CLASP1: variants seen among roughly 807,000 people sequenced by gnomAD.
CLASP1 encodes the protein cytoplasmic linker associated protein 1.
Under a neutral mutation model 192.3 loss-of-function variants are expected in CLASP1, and 38 were observed. That is an observed-to-expected ratio of 0.20 (90% confidence interval 0.15 to 0.26). The LOEUF (loss-of-function observed/expected upper bound fraction) is 0.26. Ranked by LOEUF, CLASP1 falls within the 10% of genes least tolerant of loss-of-function variation. The pLI is 1.00. For synonymous variants in CLASP1, 691 were observed against 712.8 expected, an observed-to-expected ratio of 0.97 and a Z score of 0.49; for missense variants, 1,433 against 1,932.5, an observed-to-expected ratio of 0.74 and a Z score of 4.85.
At chr2:121,488,038 T>C (rs1479238123) in intron 8 of CLASP1, among the ~76,000 whole-genome samples, 1 of 152,154 alleles carries the variant, frequency 6.6e-6, no homozygotes, top group Non-Finnish European at 1.5e-5. Flanking sequence ...TTTCAACCAC[T>C]TCCTTACTTT....
intron 6 of CLASP1, among the ~76,000 whole-genome samples, chr2:121,517,858 C>CT (rs70954553): frequency 0.011 from 330 of 30,800 alleles, 28 homozygotes; most frequent in East Asian, 0.021. Flanking sequence ...AAGACTCAAG[C>CT]TTTTTTTTTT....
intron 2 of CLASP1, among the ~76,000 whole-genome samples, chr2:121,544,907 CTTT>C (rs3078562): frequency 2.8e-4 from 34 of 122,888 alleles, no homozygotes; most frequent in African/African-American, 5.4e-4. Context: ...CTTTTCTTTT[CTTT>C]TTTTTTTTTT....
chr2:121,555,330 C>A (rs149031319), intron 2 of CLASP1, among the ~76,000 whole-genome samples: 1 of 152,190 alleles, frequency 6.6e-6, no homozygotes, highest in Non-Finnish European at 1.5e-5. Context: ...CAGCCTGAGA[C>A]AGAAGTTGTG....
chr2:121,467,959 T>C (rs2089974048), intron 9 of CLASP1, among the ~76,000 whole-genome samples: 1 of 152,214 alleles, frequency 6.6e-6, no homozygotes, highest in Non-Finnish European at 1.5e-5. Context: ...TTGAGTTGAT[T>C]TTTGTATAGC....
intron 6 of CLASP1, among the ~76,000 whole-genome samples, chr2:121,522,461 GCA>G (rs1289240775): frequency 6.6e-6 from 1 of 152,212 alleles, no homozygotes; most frequent in Non-Finnish European, 1.5e-5. Flanking sequence ...AAGACACTAG[GCA>G]GGAAGTGCTA....
intron 19 of CLASP1, among the ~76,000 whole-genome samples, chr2:121,436,869 T>G (rs947692299): frequency 6.6e-6 from 1 of 152,270 alleles, no homozygotes; most frequent in Admixed American, 6.5e-5. Flanking sequence ...TTTCTAACTC[T>G]GTACTACAGT....
At chr2:121,515,174 T>C (rs530265070) in intron 7 of CLASP1, among the ~76,000 whole-genome samples, 1 of 152,340 alleles carries the variant, frequency 6.6e-6, no homozygotes, top group African/African-American at 2.4e-5. Context: ...GAGACGCTGA[T>C]CCCCTTGCAT....
chr2:121,641,919 G>A (rs1386451963), intron 1 of CLASP1, among the ~76,000 whole-genome samples: 2 of 152,100 alleles, frequency 1.3e-5, no homozygotes, highest in Non-Finnish European at 2.9e-5. Flanking sequence ...CAGCTACTCA[G>A]GAGGCTGAGG....
At chr2:121,387,208 A>G in exon 32 of CLASP1, 1 of 1,604,734 alleles carries the variant, frequency 6.2e-7, no homozygotes, top group Non-Finnish European at 8.5e-7. Flanking sequence ...GCGTCCGGCC[A>G]ATCGTATTGC....
intron 25 of CLASP1, among the ~76,000 whole-genome samples, chr2:121,407,244 G>A (rs554838160): frequency 6.1e-4 from 92 of 151,980 alleles, no homozygotes; most frequent in African/African-American, 2.2e-3. Context: ...AGAAAAAAAG[G>A]ATATTTGCCA....
At chr2:121,533,529 A>G (rs1174865195) in intron 2 of CLASP1, among the ~76,000 whole-genome samples, 1 of 151,552 alleles carries the variant, frequency 6.6e-6, no homozygotes, top group Non-Finnish European at 1.5e-5. Flanking sequence ...TTTTCCCCCT[A>G]TTTCTGCTTT....
At chr2:121,412,593 T>C (rs1206012327) in intron 23 of CLASP1, among the ~76,000 whole-genome samples, 5 of 151,080 alleles carry the variant, frequency 3.3e-5, no homozygotes, top group Non-Finnish European at 7.4e-5. Flanking sequence ...CGAAGTCTAA[T>C]AAAATTTAAA....
At chr2:121,613,124 C>T (rs1045415707) in intron 1 of CLASP1, among the ~76,000 whole-genome samples, 1 of 152,192 alleles carries the variant, frequency 6.6e-6, no homozygotes, top group Non-Finnish European at 1.5e-5. Context: ...ACTGAACACA[C>T]TAAATGTCAC....
intron 22 of CLASP1, among the ~76,000 whole-genome samples, chr2:121,423,277 T>C (rs2079823242): frequency 6.6e-6 from 1 of 152,148 alleles, no homozygotes; most frequent in Non-Finnish European, 1.5e-5. Context: ...CAAATAATAT[T>C]TCAAATAACT....
At chr2:121,441,908 T>C (rs1208845029) in intron 19 of CLASP1, among the ~76,000 whole-genome samples, 4 of 152,172 alleles carry the variant, frequency 2.6e-5, no homozygotes, top group Non-Finnish European at 4.4e-5. Context: ...CCCAGTAAAA[T>C]TGTACTAAAA....
chr2:121,358,147 C>A (rs975043507), intron 37 of CLASP1, among the ~76,000 whole-genome samples: 6 of 152,278 alleles, frequency 3.9e-5, no homozygotes, highest in Non-Finnish European at 8.8e-5. Context: ...TGAAGCTAAA[C>A]AGGTTTTGGG....
At chr2:121,611,409 G>A (rs1345725509) in intron 1 of CLASP1, among the ~76,000 whole-genome samples, 1 of 140,062 alleles carries the variant, frequency 7.1e-6, no homozygotes, top group Non-Finnish European at 1.5e-5. Context: ...AGGAGGAGGA[G>A]GAGTTACAGG....
At chr2:121,472,919 G>C (rs530320722) in intron 8 of CLASP1, among the ~76,000 whole-genome samples, 2 of 152,290 alleles carry the variant, frequency 1.3e-5, no homozygotes, top group East Asian at 3.9e-4. Flanking sequence ...CTTAAAAGCA[G>C]GCCTACAGGG....
intron 7 of CLASP1, among the ~76,000 whole-genome samples, chr2:121,511,930 A>G (rs529675463): frequency 6.6e-6 from 1 of 152,260 alleles, no homozygotes; most frequent in Non-Finnish European, 1.5e-5. Flanking sequence ...TTAACACTAA[A>G]GCTTTAGCAA....
Sources: gnomAD v4.1 joint callset for allele counts (sites outside exome capture counted in the v4.1 genomes callset) on GRCh38, gnomAD v4.1.1 for gene constraint, MANE v1.5 for transcripts, NCBI Gene and HGNC (gene_info 2026-07-23, HGNC 2026-07-21) for gene names.